The following CNNM2 variants were observed in gnomAD, a reference collection of about 807,000 sequenced individuals.
CNNM2 encodes metal transporter CNNM2.
CNNM2 carries 12 observed loss-of-function variants against 66.9 expected under a neutral mutation model. The observed-to-expected ratio is 0.18, with a 90% CI of 0.11 to 0.29. The LOEUF (loss-of-function observed/expected upper bound fraction) is 0.29. CNNM2 is among the 10% of genes least tolerant of loss of function. The pLI, the probability that CNNM2 is intolerant of heterozygous loss-of-function variation, is 1.00. For missense variants in CNNM2, 705 were observed against 1,167.7 expected (o/e 0.60, Z 5.77); for synonymous variants, 557 against 501.8 (o/e 1.11, Z -1.47).
At chr10:103,065,234 G>A (rs907937851) in intron 4 of CNNM2, among the ~76,000 whole-genome samples, 3 of 152,206 alleles carry the variant, frequency 2.0e-5, no homozygotes, top group Non-Finnish European at 2.9e-5. Context: ...ATTGTTCACA[G>A]ACAGAGCCTT....
intron 1 of CNNM2, among the ~76,000 whole-genome samples, chr10:102,990,827 G>A (rs2063885937): frequency 1.3e-5 from 2 of 152,120 alleles, no homozygotes; most frequent in East Asian, 1.9e-4. Flanking sequence ...AATGGTTGAC[G>A]GTGTGGAACT....
chr10:102,979,663 AGTT>A (rs1226578935), intron 1 of CNNM2, among the ~76,000 whole-genome samples: 4 of 152,238 alleles, frequency 2.6e-5, no homozygotes, highest in Non-Finnish European at 5.9e-5. Context: ...AGACATTAAT[AGTT>A]GCCCAATAAA....
rs150478404 is a variant in CNNM2, at chr10:103,014,845, T to C, written c.1622-34862T>C. ...AGTTCAGGGCTGCAGTTATCTATGA[T>C]TGTGCCACTGCACTGCAGCCTGGGT... On this transcript the variant is annotated intron_variant, in intron 1 of 7. Coordinates refer to ENST00000369878, the MANE Select transcript of CNNM2 (RefSeq NM_017649.5). Among the ~76,000 whole-genome samples, 232 of 152,146 alleles carry C rather than the reference T, an allele frequency of 1.5e-3. 1 individual carries two copies. Among genetic ancestry groups the C allele is most frequent in the African/African-American group, 5.4e-3 (225 of 41,480 alleles).
chr10:102,939,294 A>AT (rs1322052789), intron 1 of CNNM2, among the ~76,000 whole-genome samples: 20 of 152,228 alleles, frequency 1.3e-4, no homozygotes, highest in African/African-American at 4.6e-4. Context: ...TTAGCTGTCT[A>AT]TTTTTCCTTT....
intron 1 of CNNM2, among the ~76,000 whole-genome samples, chr10:103,040,785 G>A (rs1316655492): frequency 1.3e-5 from 2 of 152,142 alleles, no homozygotes; most frequent in Non-Finnish European, 2.9e-5. Context: ...CTGCCCAGAT[G>A]TCTCTTCCAT....
intron 4 of CNNM2, 182 bp from the exon 5 acceptor site, chr10:103,068,447 T>G (rs992320735): frequency 1.7e-6 from 1 of 601,556 alleles, no homozygotes; most frequent in Non-Finnish European, 3.0e-6. Flanking sequence ...CAAATCCAGT[T>G]TTCATATTTA....
intron 1 of CNNM2, among the ~76,000 whole-genome samples, chr10:102,939,835 G>GT: frequency 6.6e-6 from 1 of 152,178 alleles, no homozygotes; most frequent in East Asian, 1.9e-4. Context: ...GCTGGGCGTG[G>GT]CGCACACCTG....
At chr10:103,021,477 G>T (rs1347263433) in intron 1 of CNNM2, among the ~76,000 whole-genome samples, 1 of 152,116 alleles carries the variant, frequency 6.6e-6, no homozygotes, top group Non-Finnish European at 1.5e-5. Context: ...AGTCCTGATG[G>T]TGCTAAGACA....
intron 4 of CNNM2, among the ~76,000 whole-genome samples, chr10:103,061,578 AAT>A (rs2065387348): frequency 1.3e-5 from 2 of 152,216 alleles, no homozygotes; most frequent in Admixed American, 6.5e-5. Context: ...TGCTAGAAAA[AAT>A]AGTCAATCTT....
chr10:103,089,811 T>A lies in CNNM2; in HGVS notation c.*12631T>A, dbSNP rs2066226290. On this transcript the variant is annotated 3_prime_UTR_variant, in exon 8 of 8. Coordinates refer to ENST00000369878, the MANE Select transcript of CNNM2 (RefSeq NM_017649.5). ...CAGCTGGTGCCGCTTGTAGTCAGTG[T>A]CTTTGAAATCCACTGATGTGCGGTT... 6.2e-7 allele frequency: 1 copy of A among 1,614,098 alleles called. No homozygotes were observed. Among genetic ancestry groups the A allele is most frequent in the Non-Finnish European group, 8.5e-7 (1 of 1,179,992 alleles).
intron 2 of CNNM2, among the ~76,000 whole-genome samples, chr10:103,052,101 C>G (rs557488188): frequency 6.6e-6 from 1 of 151,646 alleles, no homozygotes; most frequent in East Asian, 2.0e-4. Flanking sequence ...ATGGTGAAAC[C>G]CTGACTCTAC....
At position 102,918,675 on chromosome 10, in the gene CNNM2, G is replaced by A. The variant is rs748005897; in HGVS notation, c.195G>A (p.Ala65=). 3.7e-5 allele frequency: 57 copies of A among 1,552,298 alleles called. 1 individual carries two copies. In the Middle Eastern group the frequency reaches 5.1e-4, roughly 14 times the overall value. The part of the protein sequence containing the change: ...SCCCGAGGCA[A]VGENEETVII... Reference sequence around the variant, plus strand: ...GCTGCGGTGCGGGCGGCTGCGCAGCGGTGGGCGAGAATGAGGAGACGGTGA... The same window carrying A: ...GCTGCGGTGCGGGCGGCTGCGCAGCAGTGGGCGAGAATGAGGAGACGGTGA... Residue 65 remains alanine, a synonymous_variant, in exon 1 of 8, where the codon GCG becomes GCA. Transcript: ENST00000369878. The surrounding 1 kb of genome is among the most constrained non-coding windows in gnomAD (Gnocchi z 4.1).
chr10:103,057,903 G>C (rs765157699), intron 4 of CNNM2, among the ~76,000 whole-genome samples: 7 of 152,316 alleles, frequency 4.6e-5, no homozygotes, highest in Middle Eastern at 3.4e-3. Context: ...TTTGGTGCTT[G>C]GGTTGACAGG....
At chr10:103,071,872 C>G in intron 6 of CNNM2, 33 bp downstream of exon 6, 1 of 1,596,302 alleles carries the variant, frequency 6.3e-7, no homozygotes, top group South Asian at 1.1e-5. Context: ...CGTAATTCTC[C>G]TGATTGCCTT....
At chr10:102,992,974 C>G (rs2063925095) in intron 1 of CNNM2, among the ~76,000 whole-genome samples, 1 of 152,014 alleles carries the variant, frequency 6.6e-6, no homozygotes, top group Non-Finnish European at 1.5e-5. Context: ...TATCATCTAC[C>G]TAGCACCATC....
chr10:103,069,687 G>C (rs775349161), intron 5 of CNNM2, among the ~76,000 whole-genome samples: 1 of 152,202 alleles, frequency 6.6e-6, no homozygotes, highest in African/African-American at 2.4e-5. Flanking sequence ...TAGATACCTG[G>C]TGGCTTGCTG....
chr10:102,995,732 G>GT (rs963886268), intron 1 of CNNM2, among the ~76,000 whole-genome samples: 426 of 146,644 alleles, frequency 2.9e-3, no homozygotes, highest in Middle Eastern at 0.011. Flanking sequence ...TTGATTTAAA[G>GT]TTTTTTTTTT....
At chr10:102,949,326 C>A (rs566090318) in intron 1 of CNNM2, among the ~76,000 whole-genome samples, 1 of 152,156 alleles carries the variant, frequency 6.6e-6, no homozygotes, top group East Asian at 2.0e-4. Flanking sequence ...CAGGCACATG[C>A]CACCACGCCT....
Position 103,084,245 on chromosome 10 carries a change from AATTTATTTAACCGTG to A in CNNM2, c.*7066_*7080del, listed in dbSNP as rs1228252814. 6.6e-6 allele frequency: 1 copy of A among 152,108 alleles called. No individual in the cohort carries two copies. The highest frequency in any genetic ancestry group is 1.5e-5 in the Non-Finnish European group (1 of 68,012). 9.4% of individuals were successfully genotyped at this position (152,108 alleles called of 1,614,324 possible). The stretch of plus-strand genomic sequence containing the variant: ...ACTGGTCCATTTATAGTCTCCACTG[AATTTATTTAACCGTG>A]GCATTTGCAGTCTTTTACTTACACT... On this transcript the variant is annotated 3_prime_UTR_variant, in exon 8 of 8. Transcript: ENST00000369878.
Sources: gnomAD v4.1 joint callset for allele counts (sites outside exome capture counted in the v4.1 genomes callset) on GRCh38, gnomAD v4.1.1 for gene constraint, Gnocchi (gnomAD v3.1) non-coding constraint, MANE v1.5 for transcripts, NCBI Gene and HGNC (gene_info 2026-07-23, HGNC 2026-07-21) for gene names.